Variants in SNTG1 observed in about 807,000 individuals in gnomAD.
The protein encoded by SNTG1 is gamma-1-syntrophin.
A neutral mutation model predicts 74.7 loss-of-function variants in SNTG1; 39 were observed. The observed-to-expected ratio is 0.52, with a 90% CI of 0.40 to 0.68. The LOEUF (loss-of-function observed/expected upper bound fraction) is 0.68. Among genes scored for constraint, SNTG1 ranks in the 30% least tolerant of loss-of-function variants. The probability of loss-of-function intolerance (pLI) is 0.00; values close to 1 mark genes in which losing one functional copy is unlikely to be tolerated. For synonymous variants in SNTG1, 254 were observed against 217.1 expected (o/e 1.17, Z -1.49); for missense variants, 685 against 609.5 (o/e 1.12, Z -1.30).
intron 2 of SNTG1, among the ~76,000 whole-genome samples, chr8:50,275,341 T>C (rs905119197): frequency 6.6e-6 from 1 of 152,188 alleles, no homozygotes; most frequent in Non-Finnish European, 1.5e-5. Context: ...TTATTTGTTA[T>C]ATTTGTTCTT....
intron 2 of SNTG1, among the ~76,000 whole-genome samples, chr8:50,349,358 T>C (rs1198456443): frequency 1.3e-5 from 2 of 152,270 alleles, no homozygotes; most frequent in South Asian, 2.1e-4. Context: ...AGTTAGTTTT[T>C]TAATCTATAT....
chr8:50,400,454 A>G (rs1400303030), intron 3 of SNTG1, among the ~76,000 whole-genome samples: 9 of 152,216 alleles, frequency 5.9e-5, no homozygotes, highest in Admixed American at 5.9e-4. Context: ...GCTGTTGTGA[A>G]TAGTGCTACA....
intron 1 of SNTG1, among the ~76,000 whole-genome samples, chr8:49,992,150 T>A (rs746514969): frequency 6.6e-6 from 1 of 152,196 alleles, no homozygotes; most frequent in Non-Finnish European, 1.5e-5. Context: ...GTAACATAGA[T>A]TTGTAAATAG....
intron 10 of SNTG1, among the ~76,000 whole-genome samples, chr8:50,530,634 G>A (rs1293085169): frequency 6.6e-6 from 1 of 151,962 alleles, no homozygotes; most frequent in Non-Finnish European, 1.5e-5. Context: ...TATTTAATTT[G>A]CTATTTGTTA....
chr8:50,538,250 T>C (rs1264205934), intron 11 of SNTG1, among the ~76,000 whole-genome samples: 2 of 152,134 alleles, frequency 1.3e-5, no homozygotes, highest in Non-Finnish European at 2.9e-5. Context: ...TCAAACACTA[T>C]ATCGGGTGGT....
chr8:50,780,194 G>A (rs1449074103), intron 18 of SNTG1, among the ~76,000 whole-genome samples: 1 of 152,172 alleles, frequency 6.6e-6, no homozygotes, highest in Non-Finnish European at 1.5e-5. Flanking sequence ...CCTGGCTTTG[G>A]TATCAGGATG....
intron 8 of SNTG1, among the ~76,000 whole-genome samples, chr8:50,462,794 C>CTTTTTTTTTTTTTTTTTTTTTTTTTTTT (rs2093576027): frequency 2.3e-5 from 1 of 43,628 alleles, no homozygotes. Flanking sequence ...TCAGGTTCTA[C>CTTTTTTTTTTTTTTTTTTTTTTTTTTTT]TCTTTTTTTT....
chr8:50,609,981 C>A (rs1387472752), intron 13 of SNTG1, among the ~76,000 whole-genome samples: 1 of 152,114 alleles, frequency 6.6e-6, no homozygotes, highest in African/African-American at 2.4e-5. Context: ...CAGTTTCTAT[C>A]AACTGCTTCT....
intron 1 of SNTG1, among the ~76,000 whole-genome samples, chr8:49,959,324 G>T (rs1810473808): frequency 6.6e-6 from 1 of 152,126 alleles, no homozygotes; most frequent in African/African-American, 2.4e-5. Context: ...AAATGTCATT[G>T]ATAAATAGGA....
At chr8:50,235,478 A>G (rs1006525021) in intron 2 of SNTG1, among the ~76,000 whole-genome samples, 8 of 152,208 alleles carry the variant, frequency 5.3e-5, no homozygotes, top group African/African-American at 1.9e-4. Flanking sequence ...TTTATCTGTC[A>G]ATTTAAAATA....
intron 1 of SNTG1, among the ~76,000 whole-genome samples, chr8:50,062,191 A>C (rs572606183): frequency 9.9e-5 from 15 of 152,006 alleles, no homozygotes; most frequent in South Asian, 6.2e-4. Flanking sequence ...GTATAGGTGC[A>C]TGTCACCACT....
At chr8:50,435,690 T>C (rs1450183770) in intron 4 of SNTG1, among the ~76,000 whole-genome samples, 2 of 152,214 alleles carry the variant, frequency 1.3e-5, no homozygotes, top group African/African-American at 4.8e-5. Flanking sequence ...CTAACTTTCT[T>C]AAAAGTAAGC....
chr8:50,422,212 G>T (rs2093097425), intron 4 of SNTG1, among the ~76,000 whole-genome samples: 1 of 151,622 alleles, frequency 6.6e-6, no homozygotes, highest in Non-Finnish European at 1.5e-5. Context: ...TATATTTTGG[G>T]GTAAAATATT....
chr8:50,498,775 A>G (rs2093925968), intron 8 of SNTG1, among the ~76,000 whole-genome samples: 2 of 151,826 alleles, frequency 1.3e-5, no homozygotes, highest in Admixed American at 1.3e-4. Context: ...ATGTCGTGTA[A>G]GGTATAGCTC....
At chr8:50,438,020 T>C (rs2093322057) in intron 4 of SNTG1, among the ~76,000 whole-genome samples, 1 of 152,164 alleles carries the variant, frequency 6.6e-6, no homozygotes, top group Non-Finnish European at 1.5e-5. Context: ...AGCAATTAGT[T>C]TATTTTGGAC....
At chr8:50,593,279 T>C (rs2130887038) in intron 13 of SNTG1, among the ~76,000 whole-genome samples, 1 of 152,134 alleles carries the variant, frequency 6.6e-6, no homozygotes, top group South Asian at 2.1e-4. Context: ...TAAGATTAGC[T>C]CCACATGAAC....
chr8:50,652,062 T>C (rs1346055112), intron 13 of SNTG1, among the ~76,000 whole-genome samples: 2 of 152,214 alleles, frequency 1.3e-5, no homozygotes, highest in Middle Eastern at 3.2e-3. Context: ...AACTTCATTT[T>C]TGATTTCTCC....
At chr8:50,762,850 CA>C in intron 18 of SNTG1, 1 of 375,588 alleles carries the variant, frequency 2.7e-6, no homozygotes, top group East Asian at 8.0e-5. Context: ...GCTCCGAAGC[CA>C]GACGTCACAC....
intron 8 of SNTG1, among the ~76,000 whole-genome samples, chr8:50,468,767 C>G (rs975599496): frequency 6.6e-6 from 1 of 152,096 alleles, no homozygotes; most frequent in African/African-American, 2.4e-5. Context: ...CCACTACATC[C>G]TTCTCTTATT....
Sources: gnomAD v4.1 joint callset for allele counts (sites outside exome capture counted in the v4.1 genomes callset) on GRCh38, gnomAD v4.1.1 for gene constraint, MANE v1.5 for transcripts, NCBI Gene and HGNC (gene_info 2026-07-23, HGNC 2026-07-21) for gene names.